Variants in PCDHA7 observed in about 807,000 individuals in gnomAD.
The protein encoded by PCDHA7 is protocadherin alpha-7.
A neutral mutation model predicts 57.2 loss-of-function variants in PCDHA7; 37 were observed. That is an observed-to-expected ratio of 0.65 (90% confidence interval 0.50 to 0.85). The LOEUF is 0.85. PCDHA7 is among the 40% of genes least tolerant of loss of function. PCDHA7 has a pLI of 0.00. For synonymous variants in PCDHA7, 553 were observed against 558.8 expected (o/e 0.99, Z 0.15); for missense variants, 1,188 against 1,241.8 (o/e 0.96, Z 0.65).
intron 1 of PCDHA7, chr5:140,858,429 C>G (rs1554151596): frequency 6.5e-7 from 1 of 1,548,730 alleles, no homozygotes; most frequent in African/African-American, 1.4e-5. Flanking sequence ...GGGGACCACT[C>G]TAGGAAGGTG....
At chr5:140,899,405 T>G (rs1369333627) in intron 1 of PCDHA7, among the ~76,000 whole-genome samples, 3 of 152,204 alleles carry the variant, frequency 2.0e-5, no homozygotes, top group Non-Finnish European at 4.4e-5. Flanking sequence ...CATGAAGGGT[T>G]GTTGAATTTT....
intron 1 of PCDHA7, chr5:140,927,441 G>A: frequency 5.0e-6 from 8 of 1,614,130 alleles, no homozygotes; most frequent in Non-Finnish European, 4.2e-6. Context: ...GCGAATACCC[G>A]GAGTTGGTGT....
intron 1 of PCDHA7, chr5:140,967,116 G>A: frequency 1.2e-6 from 2 of 1,612,922 alleles, no homozygotes; most frequent in Non-Finnish European, 1.7e-6. Context: ...CGGCCTCGCT[G>A]CCTGCTCAGC....
intron 1 of PCDHA7, chr5:140,856,917 G>T: frequency 6.3e-7 from 1 of 1,595,592 alleles, no homozygotes; most frequent in South Asian, 1.1e-5. Flanking sequence ...ACGATAAGAA[G>T]GAAATTTTGG....
chr5:140,876,411 T>C (rs782457800), intron 1 of PCDHA7: 1 of 1,613,974 alleles, frequency 6.2e-7, no homozygotes, highest in South Asian at 1.1e-5. Flanking sequence ...TTGAAGAGAA[T>C]AATGCCTATG....
chr5:140,993,939 T>C (rs1449633283), intron 3 of PCDHA7, among the ~76,000 whole-genome samples: 5 of 152,198 alleles, frequency 3.3e-5, no homozygotes, highest in Non-Finnish European at 7.3e-5. Context: ...ATATCCCCAT[T>C]GTTAAGTGAT....
At chr5:141,000,393 C>CTATAAATATA (rs1563650230) in intron 3 of PCDHA7, among the ~76,000 whole-genome samples, 1 of 52,856 alleles carries the variant, frequency 1.9e-5, no homozygotes, top group African/African-American at 9.2e-5. Flanking sequence ...CTCTCTCTCT[C>CTATAAATATA]TCTATATATA....
At chr5:140,934,684 A>G (rs1026507859) in intron 1 of PCDHA7, among the ~76,000 whole-genome samples, 1 of 152,178 alleles carries the variant, frequency 6.6e-6, no homozygotes, top group African/African-American at 2.4e-5. Context: ...TATTCAAAAC[A>G]ATGAATTGAT....
At chr5:140,883,932 T>A (rs1554180637) in intron 1 of PCDHA7, 2 of 1,613,418 alleles carry the variant, frequency 1.2e-6, no homozygotes. Context: ...CAGGTGTTCG[T>A]GCTGGACGAG....
rs1297383367 is a variant in PCDHA7 at position 140,898,744 on chromosome 5, G to T, written c.2355+62006G>T. ...CTGTGAAGAAAGTCATTGGTAGCTT[G>T]ATGGGGATGGCATTGAATCTGTAAA... is the stretch of plus-strand genomic sequence containing the variant. On this transcript the variant is annotated intron_variant, in intron 1 of 3. Coordinates refer to ENST00000525929, the MANE Select transcript of PCDHA7 (RefSeq NM_018910.3). 1.1e-4 allele frequency among the ~76,000 whole-genome samples: 17 copies of T among 152,248 alleles called. 2 individuals are homozygous for T. Among genetic ancestry groups the T allele is most frequent in the East Asian group, 7.7e-4 (4 of 5,188 alleles).
At chr5:140,876,793 G>A (rs782321220) in intron 1 of PCDHA7, 2 of 1,614,240 alleles carry the variant, frequency 1.2e-6, no homozygotes, top group Non-Finnish European at 1.7e-6. Context: ...CACGGCTAGA[G>A]TGTCCGTGGA....
At chr5:141,001,885 A>C (rs1462586962) in intron 3 of PCDHA7, among the ~76,000 whole-genome samples, 2 of 152,228 alleles carry the variant, frequency 1.3e-5, no homozygotes, top group African/African-American at 2.4e-5. Context: ...GAAGGAGCAA[A>C]GAAATCGGGG....
At chr5:140,843,659 C>A in intron 1 of PCDHA7, 1 of 1,594,466 alleles carries the variant, frequency 6.3e-7, no homozygotes, top group Non-Finnish European at 8.6e-7. Context: ...TCCTCCTGAT[C>A]TGGGATCAGT....
intron 1 of PCDHA7, chr5:140,883,431 C>T: frequency 6.2e-7 from 1 of 1,614,172 alleles, no homozygotes. Flanking sequence ...GTCACCTGCA[C>T]CTTGACGCCG....
At position 140,884,402 on chromosome 5, in the gene PCDHA7, G is replaced by T. The variant is rs782512270; in HGVS notation, c.2355+47664G>T. 2.6e-5 allele frequency: 42 copies of T among 1,613,886 alleles called. 1 individual carries two copies. The Middle Eastern group carries it at 1.3e-3, about 51-fold the overall frequency. The stretch of plus-strand genomic sequence containing the variant: ...CATCTGCGCGGTGTCCAGCCTGTTG[G>T]TGCTCACGTTGCTGCTGTATACTGC... On this transcript the variant is annotated intron_variant, in intron 1 of 3. Coordinates refer to ENST00000525929, the MANE Select transcript of PCDHA7 (RefSeq NM_018910.3).
intron 1 of PCDHA7, among the ~76,000 whole-genome samples, chr5:140,905,211 G>A (rs1554191947): frequency 6.6e-6 from 1 of 152,130 alleles, no homozygotes; most frequent in Non-Finnish European, 1.5e-5. Flanking sequence ...GTTGATTTTT[G>A]TGTAAGGTGA....
At chr5:140,914,038 T>C (rs949307049) in intron 1 of PCDHA7, among the ~76,000 whole-genome samples, 14 of 152,206 alleles carry the variant, frequency 9.2e-5, no homozygotes, top group Non-Finnish European at 1.3e-4. Context: ...GAGAAGAATG[T>C]GTATTCTGCA....
At chr5:140,838,077 AGTGTGTGTGTG>A (rs1775481751) in intron 1 of PCDHA7, among the ~76,000 whole-genome samples, 1 of 80,664 alleles carries the variant, frequency 1.2e-5, no homozygotes, top group East Asian at 3.3e-4. Context: ...ATATATATAT[AGTGTGTGTGTG>A]TGTGTGTGTG....
intron 1 of PCDHA7, among the ~76,000 whole-genome samples, chr5:140,911,609 C>T (rs1554194830): frequency 6.6e-6 from 1 of 152,170 alleles, no homozygotes; most frequent in Non-Finnish European, 1.5e-5. Flanking sequence ...TCATTATGTT[C>T]CTTAGTTCCC....
Sources: gnomAD v4.1 joint callset for allele counts (sites outside exome capture counted in the v4.1 genomes callset) on GRCh38, gnomAD v4.1.1 for gene constraint, MANE v1.5 for transcripts, NCBI Gene and HGNC (gene_info 2026-07-23, HGNC 2026-07-21) for gene names.